The following YIPF5 variants were observed in gnomAD, a reference collection of about 807,000 sequenced individuals.
The protein encoded by YIPF5 is Yip1 domain family member 5, also known as protein YIPF5.
In YIPF5, 8 loss-of-function variants were observed where a neutral mutation model predicts 30.4. That is an observed-to-expected ratio of 0.26 (90% CI 0.15 to 0.47). The LOEUF (loss-of-function observed/expected upper bound fraction) is 0.47, where lower values mean the gene tolerates loss of function less well. YIPF5 is among the 20% of genes least tolerant of loss of function. The pLI is 0.99. For synonymous variants in YIPF5, 104 were observed against 107.9 expected, an observed-to-expected ratio of 0.96 and a Z score of 0.23; for missense variants, 282 against 301.8, an observed-to-expected ratio of 0.93 and a Z score of 0.49.
rs571891613 is a variant in YIPF5 at position 144,166,686 on chromosome 5, C to T, written c.111-1082G>A. Among the ~76,000 whole-genome samples, 4 of 152,282 alleles carry T rather than the reference C, an allele frequency of 2.6e-5. No homozygotes were observed. The South Asian group carries it at 8.3e-4, about 32-fold the overall frequency. ...AAAATGGTCTTCATGAAATAACAGC[C>T]AGTTCAGCTTGCACAGGTGCTTTTC... On this transcript the variant is annotated intron_variant, in intron 2 of 5. Transcript: ENST00000274496.
In YIPF5 at chr5:144,164,273, T is replaced by G; in HGVS notation, c.284-17A>C. ...TACCTAACTCTAAAGAGAAAGAAAA[T>G]TTAAAAGTTAATTAGGATTTGTGAT... On this transcript the variant is annotated splice_polypyrimidine_tract_variant and intron_variant, in intron 3 of 5. Transcript: ENST00000274496. The G allele has an allele frequency of 6.3e-7, 1 of 1,591,342 alleles. No homozygotes were observed. Among genetic ancestry groups the G allele is most frequent in the Non-Finnish European group, 8.6e-7 (1 of 1,168,346 alleles).
chr5:144,168,373 A>G (rs1039554257), intron 2 of YIPF5, among the ~76,000 whole-genome samples: 3 of 152,202 alleles, frequency 2.0e-5, no homozygotes, highest in Admixed American at 1.3e-4. Flanking sequence ...TTGAGTTCTA[A>G]TCATAAAAAC....
chr5:144,165,311 G>A, intron 3 of YIPF5, 121 bp downstream of exon 3: 1 of 1,350,908 alleles, frequency 7.4e-7, no homozygotes, highest in Non-Finnish European at 1.0e-6. Flanking sequence ...TTGTTTAGCA[G>A]AAAACTTTTT....
In YIPF5 at chr5:144,159,056, C is replaced by A; in HGVS notation, c.*1341G>T. Reference sequence around the variant, plus strand: ...AAGATACAGTATTTTCCTACAGATTCTCTCTGGCAAGAGAACATGACAATA... The same window carrying A: ...AAGATACAGTATTTTCCTACAGATTATCTCTGGCAAGAGAACATGACAATA... On this transcript the variant is annotated 3_prime_UTR_variant, in exon 6 of 6. Coordinates refer to ENST00000274496, the MANE Select transcript of YIPF5 (RefSeq NM_030799.9). 1.0e-6 allele frequency: 1 copy of A among 984,112 alleles called. No homozygotes were observed. Among genetic ancestry groups the A allele is most frequent in the Non-Finnish European group, 1.2e-6 (1 of 828,854 alleles). 61.0% of individuals were successfully genotyped at this position (984,112 alleles called of 1,614,324 possible).
intron 5 of YIPF5, 58 bp from the exon 6 acceptor site, chr5:144,160,617 G>A: frequency 7.1e-7 from 1 of 1,407,750 alleles, no homozygotes; most frequent in Non-Finnish European, 9.7e-7. Context: ...GATTAGTTAT[G>A]TAAGAATACT....
chr5:144,167,533 A>T (rs1254255403), intron 2 of YIPF5, among the ~76,000 whole-genome samples: 2 of 152,224 alleles, frequency 1.3e-5, no homozygotes, highest in Non-Finnish European at 2.9e-5. Flanking sequence ...AATTTAAAAA[A>T]TGTGACTTGG....
At chr5:144,169,736 ACTCCT>A in intron 2 of YIPF5, 105 bp downstream of exon 2, 2 of 863,506 alleles carry the variant, frequency 2.3e-6, no homozygotes, top group Non-Finnish European at 3.7e-6. Context: ...GAAAGATCAT[ACTCCT>A]GATAAAGGAC....
intron 2 of YIPF5, among the ~76,000 whole-genome samples, chr5:144,168,903 T>C (rs976600201): frequency 6.6e-6 from 1 of 152,210 alleles, no homozygotes; most frequent in African/African-American, 2.4e-5. Context: ...GCCCTCATCG[T>C]GGAACAGTCT....
chr5:144,162,762 G>C (rs574361648), intron 4 of YIPF5, among the ~76,000 whole-genome samples: 3 of 152,266 alleles, frequency 2.0e-5, no homozygotes, highest in Admixed American at 2.0e-4. Context: ...AAAATGTCTA[G>C]ATAATTGTTA....
chr5:144,164,948 G>T (rs1752160611), intron 3 of YIPF5, among the ~76,000 whole-genome samples: 1 of 152,098 alleles, frequency 6.6e-6, no homozygotes, highest in African/African-American at 2.4e-5. Flanking sequence ...ACGTCTCTAT[G>T]CATATGTGTG....
At position 144,160,281 on chromosome 5, in the gene YIPF5, C is replaced by G. The variant is rs1751996956; in HGVS notation, c.*116G>C. On this transcript the variant is annotated 3_prime_UTR_variant, in exon 6 of 6. Transcript: ENST00000274496. ...TACACGTTTACTTTCATTGCTCCAA[C>G]AGTCAAATGTAAATCTGCATGAGAG... 6.7e-7 allele frequency: 1 copy of G among 1,497,826 alleles called. No homozygotes were observed. Among genetic ancestry groups the G allele is most frequent in the Non-Finnish European group, 8.9e-7 (1 of 1,124,264 alleles). The allele number at this position is 1,497,826 out of a possible 1,614,324, so 92.8% of individuals were successfully genotyped here.
At chr5:144,167,831 C>T (rs1231283098) in intron 2 of YIPF5, among the ~76,000 whole-genome samples, 1 of 152,076 alleles carries the variant, frequency 6.6e-6, no homozygotes, top group African/African-American at 2.4e-5. Flanking sequence ...AGATTTTCAC[C>T]AATGGAGAGC....
Position 144,159,813 on chromosome 5 carries a change from TCTC to T in YIPF5, c.*581_*583del, listed in dbSNP as rs1751978071. 1.7e-6 allele frequency: 1 copy of T among 576,450 alleles called. No homozygotes were observed. Among genetic ancestry groups the T allele is most frequent in the South Asian group, 7.6e-5 (1 of 13,118 alleles). 35.7% of individuals were successfully genotyped at this position (576,450 alleles called of 1,614,324 possible). On this transcript the variant is annotated 3_prime_UTR_variant, in exon 6 of 6. Coordinates refer to ENST00000274496, the MANE Select transcript of YIPF5 (RefSeq NM_030799.9). The stretch of plus-strand genomic sequence containing the variant: ...AAGCTCCGCCTCCTGGGTTCACACT[TCTC>T]CTGCCTCAGCCTCCTGAGTAGCTGG...
Position 144,160,557 on chromosome 5 carries a change from C to A in YIPF5, c.614G>T (p.Gly205Val). 1 of 1,609,498 alleles carries A rather than the reference C, an allele frequency of 6.2e-7. No homozygotes were observed. The highest frequency in any genetic ancestry group is 8.5e-7 in the Non-Finnish European group (1 of 1,178,316). ...AGCAGTGAGAATGATTCCTACCATT[C>A]CTCTGTAAACAACAAGGAAAAAGGG... ...SSFAVIFSLQ[G>V]MVGIILTAGI... Residue 205 changes from glycine (G) to valine (V), a missense_variant and splice_region_variant, in exon 6 of 6, where the codon GGA becomes GTA. Coordinates refer to ENST00000274496, the MANE Select transcript of YIPF5 (RefSeq NM_030799.9).
intron 2 of YIPF5, among the ~76,000 whole-genome samples, chr5:144,169,455 G>A (rs1251477829): frequency 4.6e-5 from 7 of 152,186 alleles, no homozygotes. Flanking sequence ...ACTGATAAAA[G>A]TCTCAGAGTT....
In YIPF5 at chr5:144,158,393, T is replaced by C. The variant is rs1429491169; in HGVS notation, c.*2004A>G. On this transcript the variant is annotated 3_prime_UTR_variant, in exon 6 of 6. Coordinates refer to ENST00000274496, the MANE Select transcript of YIPF5 (RefSeq NM_030799.9). Reference sequence around the variant, plus strand: ...AAATAACCACCACAAAAAAAATCTCTACAATAATTTAAACTAAAAATGTTG... The same window carrying C: ...AAATAACCACCACAAAAAAAATCTCCACAATAATTTAAACTAAAAATGTTG... 4 of 1,223,058 alleles carry C rather than the reference T, an allele frequency of 3.3e-6. No homozygotes were observed. The highest frequency in any genetic ancestry group is 4.2e-6 in the Non-Finnish European group (4 of 945,298). 75.8% of individuals were successfully genotyped at this position (1,223,058 alleles called of 1,614,324 possible). A position where few individuals can be genotyped will look rare whatever the true frequency, so the allele number is the denominator to read the frequency against.
rs566216485 is a variant in YIPF5 at position 144,158,963 on chromosome 5, G to A, written c.*1434C>T. 11 of 981,604 alleles carry A rather than the reference G, an allele frequency of 1.1e-5. No homozygotes were observed. Among genetic ancestry groups the A allele is most frequent in the South Asian group, 4.7e-5 (1 of 21,192 alleles). The allele number at this position is 981,604 out of a possible 1,614,324, so 60.8% of individuals were successfully genotyped here. A position where few individuals can be genotyped will look rare whatever the true frequency, so the allele number is the denominator to read the frequency against. On this transcript the variant is annotated 3_prime_UTR_variant, in exon 6 of 6. Coordinates refer to ENST00000274496, the MANE Select transcript of YIPF5 (RefSeq NM_030799.9). ...TTCCTCCCTGTACCATATCTTTCTC[G>A]TAACTATAACTGAGCTTTGTCCAGA...
chr5:144,166,016 A>G lies in YIPF5; in HGVS notation c.111-412T>C, dbSNP rs1055080822. Among the ~76,000 whole-genome samples the G allele has an allele frequency of 5.9e-5, 9 of 152,190 alleles. No homozygotes were observed. The South Asian group carries it at 1.9e-3, about 32-fold the overall frequency. On this transcript the variant is annotated intron_variant, in intron 2 of 5. Transcript: ENST00000274496. ...AAACCTTAGGATGTCAGACTTTGTA[A>G]TACATGTTATATAATTTTTCACTGT...
intron 1 of YIPF5, chr5:144,170,235 G>C: frequency 2.3e-6 from 1 of 428,310 alleles, no homozygotes; most frequent in Non-Finnish European, 4.3e-6. Flanking sequence ...GGGAGTTGTG[G>C]TTCCATAAGC....
Sources: allele counts gnomAD v4.1 joint callset (sites outside exome capture counted in the v4.1 genomes callset), GRCh38; gene constraint gnomAD v4.1.1; transcripts MANE v1.5; gene names NCBI Gene and HGNC (gene_info 2026-07-23, HGNC 2026-07-21).